Variants in RFFL observed in about 807,000 individuals in gnomAD.
The protein encoded by RFFL is E3 ubiquitin-protein ligase rififylin.
In RFFL, 16 loss-of-function variants were observed where a neutral mutation model predicts 40.4. The ratio of observed to expected loss-of-function variants is 0.40; its 90% confidence interval spans 0.27 to 0.60. RFFL has a LOEUF of 0.60. Among genes scored for constraint, RFFL ranks in the 20% least tolerant of loss-of-function variants. RFFL has a pLI of 0.47. For missense variants in RFFL, 367 were observed against 451.7 expected, an observed-to-expected ratio of 0.81 and a Z score of 1.70; for synonymous variants, 154 against 167.9, an observed-to-expected ratio of 0.92 and a Z score of 0.64.
chr17:35,043,618 G>T (rs1455877379), intron 1 of RFFL, among the ~76,000 whole-genome samples: 5 of 152,148 alleles, frequency 3.3e-5, no homozygotes, highest in African/African-American at 1.2e-4. Flanking sequence ...AATCTTCTGT[G>T]CTATTATTTC....
chr17:35,069,869 T>C (rs962347555), intron 1 of RFFL, among the ~76,000 whole-genome samples: 2 of 151,582 alleles, frequency 1.3e-5, no homozygotes, highest in Admixed American at 6.6e-5. Context: ...CAGACAAGGG[T>C]TGGAGAAAGG....
upstream of RFFL, among the ~76,000 whole-genome samples, chr17:35,066,516 A>AC (rs1356639356): frequency 3.3e-5 from 5 of 152,130 alleles, no homozygotes; most frequent in Admixed American, 3.3e-4. Flanking sequence ...TATCCAAATT[A>AC]CCCCCCAAAA....
At chr17:35,039,370 C>T (rs769471287) in intron 1 of RFFL, among the ~76,000 whole-genome samples, 2 of 150,978 alleles carry the variant, frequency 1.3e-5, no homozygotes, top group Non-Finnish European at 3.0e-5. Context: ...CAGGCACGTG[C>T]CATCACACCC....
chr17:35,088,192 A>T (rs1265429649), intron 1 of RFFL, among the ~76,000 whole-genome samples: 1 of 152,208 alleles, frequency 6.6e-6, no homozygotes, highest in Non-Finnish European at 1.5e-5. Context: ...ATGTTTGCTC[A>T]TCACGTCACT....
At chr17:35,036,653 C>A (rs2091125374) in intron 1 of RFFL, 1 of 152,130 alleles carries the variant, frequency 6.6e-6, no homozygotes, top group Admixed American at 6.5e-5. Context: ...GATAAGTATG[C>A]TAGTATTTCT....
At chr17:35,077,654 T>A (rs1373326704) in intron 1 of RFFL, among the ~76,000 whole-genome samples, 1 of 152,248 alleles carries the variant, frequency 6.6e-6, no homozygotes, top group African/African-American at 2.4e-5. Context: ...CATTATCTTA[T>A]AGCTTCTGAT....
chr17:35,053,231 G>A (rs1270338949), intron 1 of RFFL, among the ~76,000 whole-genome samples: 1 of 152,198 alleles, frequency 6.6e-6, no homozygotes, highest in Non-Finnish European at 1.5e-5. Flanking sequence ...AATGTGCACA[G>A]ATATGTAAAG....
intron 1 of RFFL, among the ~76,000 whole-genome samples, chr17:35,070,065 C>T (rs750056548): frequency 6.6e-6 from 1 of 151,318 alleles, no homozygotes; most frequent in Non-Finnish European, 1.5e-5. Context: ...AGCACGCGCA[C>T]GTGCAAAAGA....
At position 35,021,644 on chromosome 17, in the gene RFFL, C is replaced by T. The variant is rs777903410; in HGVS notation, c.318G>A (p.Val106=). 7.4e-6 allele frequency: 12 copies of T among 1,614,128 alleles called. No homozygotes were observed. Among genetic ancestry groups the T allele is most frequent in the Non-Finnish European group, 1.0e-5 (12 of 1,180,058 alleles). The change falls in exon 3 of 7, where the codon GTG becomes GTA. Residue 106 remains valine (V), a synonymous_variant. Transcript: ENST00000394597. ...GGCTGAGATAGTCCCTCAAGTCCTT[C>T]ACCTTCATCTTCATGAGCTCCTCTC... ...FQREELMKMK[V]KDLRDYLSLH...
intron 1 of RFFL, among the ~76,000 whole-genome samples, chr17:35,073,514 A>G (rs1291772884): frequency 6.6e-6 from 1 of 152,182 alleles, no homozygotes; most frequent in African/African-American, 2.4e-5. Flanking sequence ...AATGAAAACA[A>G]TGTTTCTTCT....
In RFFL at chr17:35,084,826, ACAGAGGTTGCAGTGAACCGAGATC is replaced by A. The variant is rs1320319818; in HGVS notation, c.-9+4255_-9+4278del. 1.9e-3 allele frequency among the ~76,000 whole-genome samples: 294 copies of A among 151,544 alleles called. 2 individuals are homozygous for A. Among genetic ancestry groups the A allele is most frequent in the African/African-American group, 6.6e-3 (274 of 41,256 alleles). On this transcript the variant is annotated intron_variant, in intron 1 of 6. Transcript: ENST00000315249. ...CAGAAGAATTGCTTGAACCCAGGAG[ACAGAGGTTGCAGTGAACCGAGATC>A]CAGAGGTTGCAGTGAACCGAGATCC...
intron 1 of RFFL, among the ~76,000 whole-genome samples, chr17:35,033,927 G>A (rs1481253255): frequency 1.3e-5 from 2 of 151,870 alleles, no homozygotes; most frequent in African/African-American, 4.9e-5. Context: ...CGGATCACGA[G>A]GTCAGGAGAT....
At chr17:35,020,077 G>A (rs1474970636) in intron 3 of RFFL, among the ~76,000 whole-genome samples, 2 of 152,148 alleles carry the variant, frequency 1.3e-5, no homozygotes, top group East Asian at 1.9e-4. Context: ...ATGGTATCAC[G>A]CATTCAGGTC....
Position 35,016,390 on chromosome 17 carries a change from T to C in RFFL, c.866A>G (p.Gln289Arg), listed in dbSNP as rs1200544460. The change falls in exon 5 of 7, where the codon CAG (glutamine) becomes CGG (arginine). Residue 289 changes from glutamine (Q) to arginine (R), a missense_variant. By Grantham distance (43) the Gln-to-Arg change is conservative. Coordinates refer to ENST00000394597, the MANE Select transcript of RFFL (RefSeq NM_001017368.2). ...CTCACCCAGGTGCTGGAGTCCTTTC[T>C]GATCCTTGTATAGCCGGGTCACTCT... ...MERVTRLYKD[Q>R]KGLQHLVSGA... 1 of 1,614,216 alleles carries C rather than the reference T, an allele frequency of 6.2e-7. No homozygotes were observed. Among genetic ancestry groups the C allele is most frequent in the Admixed American group, 1.7e-5 (1 of 60,022 alleles).
In RFFL at chr17:35,011,161, C is replaced by G. The variant is rs1344613278; in HGVS notation, c.*807G>C. 1 of 152,210 alleles carries G rather than the reference C, an allele frequency of 6.6e-6. No individual in the cohort carries two copies. The highest frequency in any genetic ancestry group is 1.9e-4 in the East Asian group (1 of 5,196). 9.4% of individuals were successfully genotyped at this position (152,210 alleles called of 1,614,324 possible). On this transcript the variant is annotated 3_prime_UTR_variant, in exon 7 of 7. Coordinates refer to ENST00000394597, the MANE Select transcript of RFFL (RefSeq NM_001017368.2). The stretch of plus-strand genomic sequence containing the variant: ...CCATTGCTTCCCCTTTCCGCATAAA[C>G]TAAGGATGGTGCAAATCAGGTCCCA...
At chr17:35,070,071 A>C (rs964896178) in intron 1 of RFFL, among the ~76,000 whole-genome samples, 5 of 151,750 alleles carry the variant, frequency 3.3e-5, no homozygotes, top group African/African-American at 1.2e-4. Flanking sequence ...CGCACGTGCA[A>C]AAGAGCGAGC....
chr17:35,069,037 A>G (rs150238562), intron 1 of RFFL, among the ~76,000 whole-genome samples: 1 of 152,330 alleles, frequency 6.6e-6, no homozygotes, highest in Admixed American at 6.5e-5. Context: ...TTCATAATGA[A>G]GTGACTTAGC....
chr17:35,081,784 A>T (rs1179882070), intron 1 of RFFL, among the ~76,000 whole-genome samples: 3 of 152,240 alleles, frequency 2.0e-5, no homozygotes, highest in Middle Eastern at 3.2e-3. Flanking sequence ...ACAGAAATAT[A>T]TAAGGAGCAG....
intron 2 of RFFL, among the ~76,000 whole-genome samples, chr17:35,025,789 A>G (rs1017674036): frequency 2.0e-5 from 3 of 152,182 alleles, no homozygotes; most frequent in Non-Finnish European, 4.4e-5. Context: ...TCTAGCCAGT[A>G]ATTTTTTTTC....
Sources: allele counts gnomAD v4.1 joint callset (sites outside exome capture counted in the v4.1 genomes callset), GRCh38; gene constraint gnomAD v4.1.1; transcripts MANE v1.5; gene names NCBI Gene and HGNC (gene_info 2026-07-23, HGNC 2026-07-21).